Variants in ITGA1 observed in about 807,000 individuals in gnomAD.
ITGA1 encodes integrin subunit alpha 1.
A neutral mutation model predicts 145.9 loss-of-function variants in ITGA1; 85 were observed. The observed-to-expected ratio is 0.58, with a 90% CI of 0.49 to 0.70. The LOEUF (loss-of-function observed/expected upper bound fraction) is 0.70. Among genes scored for constraint, ITGA1 ranks in the 30% least tolerant of loss-of-function variants. The pLI is 0.00. For missense variants in ITGA1, 1,351 were observed against 1,418.7 expected, an observed-to-expected ratio of 0.95 and a Z score of 0.77; for synonymous variants, 520 against 495.3, an observed-to-expected ratio of 1.05 and a Z score of -0.66.
At chr5:52,912,155 C>A (rs111206642) in intron 14 of ITGA1, among the ~76,000 whole-genome samples, 40,417 of 134,748 alleles carry the variant, frequency 0.3, 6,441 homozygotes, top group South Asian at 0.42. Flanking sequence ...TATAGATATG[C>A]TATATATAGC....
At chr5:52,952,116 G>A (rs568703379) in intron 28 of ITGA1, among the ~76,000 whole-genome samples, 62 of 151,914 alleles carry the variant, frequency 4.1e-4, no homozygotes, top group Admixed American at 7.9e-4. Context: ...CTTGAACCCG[G>A]GTGGCGGAGG....
At chr5:52,869,254 G>A (rs1749740087) in intron 6 of ITGA1, among the ~76,000 whole-genome samples, 1 of 152,130 alleles carries the variant, frequency 6.6e-6, no homozygotes, top group Non-Finnish European at 1.5e-5. Flanking sequence ...TCCACCTTCT[G>A]GGTTCAAGCA....
intron 14 of ITGA1, among the ~76,000 whole-genome samples, chr5:52,910,988 CTATATATAGTATGTATA>C (rs1561245823): frequency 0.01 from 1,250 of 121,850 alleles, 24 homozygotes; most frequent in African/African-American, 0.04. Flanking sequence ...AGTATGTATA[CTATATATAGTATGTATA>C]CTGTATATAC....
At chr5:52,847,410 A>G (rs577938824) in intron 1 of ITGA1, among the ~76,000 whole-genome samples, 98 of 152,334 alleles carry the variant, frequency 6.4e-4, no homozygotes, top group African/African-American at 2.3e-3. Flanking sequence ...CACAATTTAT[A>G]AGACTAGGAA....
At chr5:52,919,415 T>C (rs954492281) in intron 16 of ITGA1, among the ~76,000 whole-genome samples, 3 of 152,176 alleles carry the variant, frequency 2.0e-5, no homozygotes, top group African/African-American at 7.2e-5. Flanking sequence ...GTGTGTGTTC[T>C]CAGGTGCATC....
At chr5:52,888,025 AT>A (rs1340410891) in intron 8 of ITGA1, 60 bp downstream of exon 8, 1 of 1,503,262 alleles carries the variant, frequency 6.7e-7, no homozygotes, top group Admixed American at 1.9e-5. Flanking sequence ...CTGTGTGCAT[AT>A]TGGGTAATTT....
At chr5:52,898,192 C>T (rs995872801) in intron 10 of ITGA1, 47 bp from the exon 11 acceptor site, 3 of 1,265,988 alleles carry the variant, frequency 2.4e-6, no homozygotes, top group African/African-American at 3.0e-5. Flanking sequence ...AGTATTTCCC[C>T]TTATTATTTT....
Position 52,889,007 on chromosome 5 carries a change from G to A in ITGA1, c.924+1042G>A, listed in dbSNP as rs189903136. On this transcript the variant is annotated intron_variant, in intron 8 of 28. Transcript: ENST00000282588. ...TCTGCCACTGCCTTCTCTCTAGTAA[G>A]GAACATTCAAAAGCCACTGCACTGC... 1.7e-4 allele frequency among the ~76,000 whole-genome samples: 26 copies of A among 152,294 alleles called. 1 individual carries two copies. The East Asian group carries it at 5.0e-3, about 29-fold the overall frequency.
intron 23 of ITGA1, among the ~76,000 whole-genome samples, chr5:52,936,801 G>A (rs1004915589): frequency 1.3e-5 from 2 of 152,154 alleles, no homozygotes; most frequent in African/African-American, 4.8e-5. Flanking sequence ...TGAGATGAAA[G>A]TAAATCTGAC....
At position 52,800,064 on chromosome 5, in the gene ITGA1, G is replaced by A. The variant is rs1264885547; in HGVS notation, c.61+11650G>A. On this transcript the variant is annotated intron_variant, in intron 1 of 28. Transcript: ENST00000282588. The stretch of plus-strand genomic sequence containing the variant: ...CTTTGGGGACGGGAGACGTGCGTCG[G>A]GTCGCGGGACGGGGGCTGCGCATGC... 5 of 326,824 alleles carry A rather than the reference G, an allele frequency of 1.5e-5. No homozygotes were observed. The Admixed American group carries it at 2.4e-4, about 16-fold the overall frequency. 20.2% of individuals were successfully genotyped at this position (326,824 alleles called of 1,614,324 possible).
intron 1 of ITGA1, among the ~76,000 whole-genome samples, chr5:52,818,425 G>A (rs1748812397): frequency 6.6e-6 from 1 of 152,170 alleles, no homozygotes; most frequent in African/African-American, 2.4e-5. Context: ...GGCCAAGACA[G>A]GATATTCTGT....
At chr5:52,907,820 A>G (rs1476205814) in intron 12 of ITGA1, among the ~76,000 whole-genome samples, 1 of 152,210 alleles carries the variant, frequency 6.6e-6, no homozygotes, top group Non-Finnish European at 1.5e-5. Flanking sequence ...AGGAAAGCCC[A>G]GAGTTGCAAG....
chr5:52,905,718 C>A (rs1750391851), intron 11 of ITGA1, 45 bp from the exon 12 acceptor site: 2 of 1,531,076 alleles, frequency 1.3e-6, no homozygotes, highest in African/African-American at 1.4e-5. Flanking sequence ...TTACATGAAG[C>A]CTTTAAGGGT....
At position 52,909,002 on chromosome 5, in the gene ITGA1, G is replaced by A. The variant is rs760858220; in HGVS notation, c.1560G>A (p.Lys520=). The A allele has an allele frequency of 1.2e-6, 2 of 1,613,904 alleles. No homozygotes were observed. The highest frequency in any genetic ancestry group is 1.3e-5 in the African/African-American group (1 of 75,036). Reference sequence around the variant, plus strand: ...CCCCTATGTACATGGGAACAGAGAAGGAGGAGCAAGGAAAAGTGTATGTGT... The same window carrying A: ...CCCCTATGTACATGGGAACAGAGAAAGAGGAGCAAGGAAAAGTGTATGTGT... The part of the protein sequence containing the change: ...VGAPMYMGTE[K]EEQGKVYVYA... Residue 520 remains lysine, a synonymous_variant, in exon 13 of 29, where the codon AAG becomes AAA. Transcript: ENST00000282588.
At chr5:52,880,166 A>G (rs1317812802) in intron 6 of ITGA1, among the ~76,000 whole-genome samples, 1 of 152,180 alleles carries the variant, frequency 6.6e-6, no homozygotes, top group African/African-American at 2.4e-5. Context: ...GGTGATTGAA[A>G]GAGCCCTTGG....
At chr5:52,866,106 C>T (rs1254534815) in intron 6 of ITGA1, among the ~76,000 whole-genome samples, 1 of 151,996 alleles carries the variant, frequency 6.6e-6, no homozygotes, top group African/African-American at 2.4e-5. Context: ...CCTTCACCTC[C>T]CAGGCTCAAG....
chr5:52,821,294 C>T lies in ITGA1; in HGVS notation c.62-28071C>T, dbSNP rs369738677. Among the ~76,000 whole-genome samples, 251 of 152,218 alleles carry T rather than the reference C, an allele frequency of 1.6e-3. 8 individuals are homozygous for T. In the South Asian group the frequency reaches 0.051, roughly 31 times the overall value. ...GTTTCTCAAAGTTATCTCCAGTGGT[C>T]TAAACTGTTAAATCTGTTCCGAAGT... On this transcript the variant is annotated intron_variant, in intron 1 of 28. Transcript: ENST00000282588.
intron 6 of ITGA1, among the ~76,000 whole-genome samples, chr5:52,868,264 G>A (rs1285425304): frequency 6.6e-6 from 1 of 151,932 alleles, no homozygotes; most frequent in Non-Finnish European, 1.5e-5. Flanking sequence ...TTTATTTGTA[G>A]CTATTTGTGA....
At chr5:52,933,337 G>C (rs1750919474) in intron 22 of ITGA1, 1 of 151,904 alleles carries the variant, frequency 6.6e-6, no homozygotes, top group Non-Finnish European at 1.5e-5. Flanking sequence ...TTCCCCAAGA[G>C]TTTTCCATTT....
Sources: allele counts gnomAD v4.1 joint callset (sites outside exome capture counted in the v4.1 genomes callset), GRCh38; gene constraint gnomAD v4.1.1; transcripts MANE v1.5; gene names NCBI Gene and HGNC (gene_info 2026-07-23, HGNC 2026-07-21).